The following RBFOX1 variants were observed in gnomAD, a reference collection of about 807,000 sequenced individuals.
RBFOX1 encodes RNA binding protein fox-1 homolog 1.
RBFOX1 carries 8 observed loss-of-function variants against 57.7 expected under a neutral mutation model. The observed-to-expected ratio is 0.14, with a 90% CI of 0.08 to 0.25. The LOEUF (loss-of-function observed/expected upper bound fraction) is 0.25, where lower values mean the gene tolerates loss of function less well. Ranked by LOEUF, RBFOX1 falls within the 10% of genes least tolerant of loss-of-function variation. RBFOX1 has a pLI of 1.00. For synonymous variants in RBFOX1, 326 were observed against 222.4 expected (o/e 1.47, Z -4.15); for missense variants, 611 against 548.5 (o/e 1.11, Z -1.14).
chr16:6,678,744 G>A (rs917934623), intron 3 of RBFOX1, among the ~76,000 whole-genome samples: 1 of 152,024 alleles, frequency 6.6e-6, no homozygotes, highest in Non-Finnish European at 1.5e-5. Flanking sequence ...TTAATTGGAA[G>A]AAGTGCTAAG....
intron 1 of RBFOX1, among the ~76,000 whole-genome samples, chr16:6,208,052 A>G (rs1462582800): frequency 6.6e-6 from 1 of 151,966 alleles, no homozygotes; most frequent in Non-Finnish European, 1.5e-5. Context: ...GTGTATATAT[A>G]TGTGTGTATA....
At chr16:7,001,392 G>GTGTATTTGTATATGTATATGTATA (rs1408261477) in intron 3 of RBFOX1, among the ~76,000 whole-genome samples, 28 of 84,074 alleles carry the variant, frequency 3.3e-4, no homozygotes, top group African/African-American at 2.0e-3. Context: ...GTATGTGTAT[G>GTGTATTTGTATATGTATATGTATA]TGTATTTGTA....
chr16:5,909,984 C>G (rs7193034), intron 4 of RBFOX1, among the ~76,000 whole-genome samples: 1 of 151,776 alleles, frequency 6.6e-6, no homozygotes, highest in African/African-American at 2.4e-5. Context: ...ACCTGGGAGG[C>G]GGAGGTTGCA....
At chr16:6,827,942 G>C (rs979445032) in intron 3 of RBFOX1, among the ~76,000 whole-genome samples, 6 of 152,212 alleles carry the variant, frequency 3.9e-5, no homozygotes, top group South Asian at 4.1e-4. Flanking sequence ...ATTAATGCCT[G>C]TTGTTTCCAC....
chr16:7,509,956 C>T (rs1440151390), intron 4 of RBFOX1, among the ~76,000 whole-genome samples: 3 of 135,980 alleles, frequency 2.2e-5, no homozygotes, highest in Non-Finnish European at 4.6e-5. Context: ...TTAATGTGGT[C>T]GAGCAGTGGG....
At chr16:7,585,562 C>A (rs954503970) in intron 6 of RBFOX1, among the ~76,000 whole-genome samples, 1 of 152,132 alleles carries the variant, frequency 6.6e-6, no homozygotes, top group African/African-American at 2.4e-5. Flanking sequence ...TCTGTGATTC[C>A]CCCGGCTGTA....
chr16:7,335,531 G>C (rs2096769800), intron 4 of RBFOX1, among the ~76,000 whole-genome samples: 1 of 142,156 alleles, frequency 7.0e-6, no homozygotes, highest in African/African-American at 2.5e-5. Flanking sequence ...ATTTTCAAGA[G>C]TCATTTTGAA....
intron 3 of RBFOX1, among the ~76,000 whole-genome samples, chr16:6,811,663 G>T (rs894425371): frequency 6.6e-6 from 1 of 152,178 alleles, no homozygotes; most frequent in African/African-American, 2.4e-5. Flanking sequence ...GCTAAGGCGG[G>T]TAGATCATCT....
chr16:7,146,640 C>T (rs1008391269), intron 4 of RBFOX1, among the ~76,000 whole-genome samples: 1 of 152,038 alleles, frequency 6.6e-6, no homozygotes, highest in Non-Finnish European at 1.5e-5. Context: ...ACTCAGAACC[C>T]AGCAGATAAC....
intron 4 of RBFOX1, among the ~76,000 whole-genome samples, chr16:7,161,942 G>C (rs569232947): frequency 1.3e-5 from 2 of 152,330 alleles, no homozygotes; most frequent in African/African-American, 2.4e-5. Context: ...GGTTACCCAA[G>C]TTGAGCTTTC....
At chr16:6,425,098 T>TAAG (rs918642607) in intron 2 of RBFOX1, among the ~76,000 whole-genome samples, 29 of 152,218 alleles carry the variant, frequency 1.9e-4, no homozygotes, top group Non-Finnish European at 3.5e-4. Flanking sequence ...ACTTTAATAA[T>TAAG]AAGGATGAAA....
chr16:6,055,618 C>T (rs1283128075), intron 1 of RBFOX1, among the ~76,000 whole-genome samples: 1 of 132,858 alleles, frequency 7.5e-6, no homozygotes, highest in Non-Finnish European at 1.6e-5. Context: ...AAAAAAAGGA[C>T]GACGAATTGG....
chr16:7,386,716 G>A (rs529494162), intron 4 of RBFOX1, among the ~76,000 whole-genome samples: 1 of 152,276 alleles, frequency 6.6e-6, no homozygotes, highest in East Asian at 1.9e-4. Context: ...ATAGTAGCAT[G>A]ATTTATAATC....
intron 3 of RBFOX1, among the ~76,000 whole-genome samples, chr16:5,695,370 T>C (rs112292381): frequency 6.6e-6 from 1 of 152,084 alleles, no homozygotes; most frequent in Non-Finnish European, 1.5e-5. Context: ...GCCACAGCAA[T>C]AAGAGCAAGC....
At chr16:7,035,860 T>G (rs2044247274) in intron 3 of RBFOX1, among the ~76,000 whole-genome samples, 1 of 151,772 alleles carries the variant, frequency 6.6e-6, no homozygotes, top group Non-Finnish European at 1.5e-5. Context: ...TCCATTAAGC[T>G]TTCCAGGAAG....
chr16:5,598,789 C>G (rs1476757867), intron 2 of RBFOX1: 35 of 789,052 alleles, frequency 4.4e-5, no homozygotes, highest in Non-Finnish European at 6.7e-5. Context: ...GGTACTGTGG[C>G]TAAACGTGGT....
At chr16:7,378,802 G>T (rs1325152474) in intron 4 of RBFOX1, among the ~76,000 whole-genome samples, 1 of 152,184 alleles carries the variant, frequency 6.6e-6, no homozygotes, top group Non-Finnish European at 1.5e-5. Context: ...TGCAAAGTCA[G>T]CCTGGCTCCT....
At chr16:7,110,600 G>T (rs2064548221) in intron 4 of RBFOX1, among the ~76,000 whole-genome samples, 1 of 152,164 alleles carries the variant, frequency 6.6e-6, no homozygotes, top group Non-Finnish European at 1.5e-5. Flanking sequence ...ACGAAGATTA[G>T]TGTAGTTGCT....
At chr16:6,262,746 G>C (rs954578596) in intron 1 of RBFOX1, among the ~76,000 whole-genome samples, 24 of 152,248 alleles carry the variant, frequency 1.6e-4, no homozygotes, top group African/African-American at 5.8e-4. Flanking sequence ...CTGCCAGCTG[G>C]GATTGTGTCT....
Sources: allele counts gnomAD v4.1 joint callset (sites outside exome capture counted in the v4.1 genomes callset), GRCh38; gene constraint gnomAD v4.1.1; transcripts MANE v1.5; gene names NCBI Gene and HGNC (gene_info 2026-07-23, HGNC 2026-07-21).